Variants in PTPRT observed in about 807,000 individuals in gnomAD.
PTPRT encodes the protein receptor-type tyrosine-protein phosphatase T.
In PTPRT, 56 loss-of-function variants were observed where a neutral mutation model predicts 176.8. That is an observed-to-expected ratio of 0.32 (90% CI 0.26 to 0.40). PTPRT has a LOEUF of 0.40. Among genes scored for constraint, PTPRT ranks in the 10% least tolerant of loss-of-function variants. The pLI is 1.00. For synonymous variants in PTPRT, 783 were observed against 739.0 expected (o/e 1.06, Z -0.96); for missense variants, 1,540 against 1,908.2 (o/e 0.81, Z 3.60).
At chr20:43,002,944 T>C (rs1264071103) in intron 1 of PTPRT, among the ~76,000 whole-genome samples, 3 of 143,750 alleles carry the variant, frequency 2.1e-5, no homozygotes, top group South Asian at 2.2e-4. Flanking sequence ...AAAAAGAAAA[T>C]AAACTATTAA....
At chr20:42,783,371 T>TCAA (rs201122643) in intron 3 of PTPRT, among the ~76,000 whole-genome samples, 44 of 84,864 alleles carry the variant, frequency 5.2e-4, no homozygotes, top group African/African-American at 1.6e-3. Context: ...CTCTTGAGAA[T>TCAA]CAACAAAAAA....
the PTPRT span, among the ~76,000 whole-genome samples, chr20:42,061,682 T>C: frequency 5.4e-4 from 83 of 152,324 alleles, no homozygotes; most frequent in East Asian, 0.014. Context: ...GGGACATCTC[T>C]AGGCCACTGT....
intron 6 of PTPRT, among the ~76,000 whole-genome samples, chr20:42,753,604 G>T (rs1182758997): frequency 2.6e-5 from 4 of 152,196 alleles, no homozygotes; most frequent in Non-Finnish European, 5.9e-5. Flanking sequence ...GGCAGGGGCT[G>T]CAGGTGAGTG....
At chr20:42,609,529 C>T (rs2073938803) in intron 7 of PTPRT, among the ~76,000 whole-genome samples, 1 of 152,196 alleles carries the variant, frequency 6.6e-6, no homozygotes, top group African/African-American at 2.4e-5. Context: ...AGTGTCACAG[C>T]CAGTGTTCAA....
At chr20:42,433,154 T>A (rs577883081) in intron 9 of PTPRT, among the ~76,000 whole-genome samples, 2 of 152,152 alleles carry the variant, frequency 1.3e-5, no homozygotes, top group Non-Finnish European at 2.9e-5. Context: ...GTGGGAAGTT[T>A]CCCCAGAACC....
intron 7 of PTPRT, among the ~76,000 whole-genome samples, chr20:42,578,358 A>G (rs936692690): frequency 2.0e-5 from 3 of 152,152 alleles, no homozygotes; most frequent in African/African-American, 7.2e-5. Flanking sequence ...GCTCAGAGAC[A>G]GTAAGTATTT....
chr20:42,785,773 AT>A (rs2077280517), intron 3 of PTPRT, among the ~76,000 whole-genome samples: 1 of 152,124 alleles, frequency 6.6e-6, no homozygotes, highest in African/African-American at 2.4e-5. Flanking sequence ...AACACTGGCT[AT>A]TTCTTTTAAA....
At chr20:42,737,419 T>C (rs989614831) in intron 6 of PTPRT, among the ~76,000 whole-genome samples, 3 of 152,052 alleles carry the variant, frequency 2.0e-5, no homozygotes, top group Non-Finnish European at 4.4e-5. Flanking sequence ...TCACCTGACG[T>C]CAGGAGTCCA....
chr20:42,714,980 T>C (rs865859832), intron 6 of PTPRT, among the ~76,000 whole-genome samples: 1 of 152,314 alleles, frequency 6.6e-6, no homozygotes, highest in African/African-American at 2.4e-5. Flanking sequence ...GGTTGACCAG[T>C]GCTGGGAACC....
At chr20:42,240,702 G>C (rs570529913) in intron 14 of PTPRT, among the ~76,000 whole-genome samples, 2 of 93,626 alleles carry the variant, frequency 2.1e-5, no homozygotes, top group African/African-American at 1.0e-4. Flanking sequence ...ATGCATGCAT[G>C]CATGCATCCA....
rs1339346813 is a variant in PTPRT, at chr20:42,915,647, G to T, written c.89-29715C>A. ...CATTTACCTATTTATTTTCAGAAAG[G>T]GTCTCACTCTGTCACCCAGGCTGTA... On this transcript the variant is annotated intron_variant, in intron 1 of 30. Transcript: ENST00000373187. 2.6e-5 allele frequency among the ~76,000 whole-genome samples: 4 copies of T among 151,964 alleles called. No homozygotes were observed. In the East Asian group the frequency reaches 7.7e-4, roughly 29 times the overall value.
At chr20:42,781,969 T>C (rs555148079) in intron 3 of PTPRT, among the ~76,000 whole-genome samples, 5 of 152,326 alleles carry the variant, frequency 3.3e-5, no homozygotes, top group African/African-American at 1.2e-4. Context: ...TCTTTAATTA[T>C]AGTGTCTACC....
intron 15 of PTPRT, among the ~76,000 whole-genome samples, chr20:42,206,840 G>C (rs112301013): frequency 6.6e-6 from 1 of 152,204 alleles, no homozygotes; most frequent in Non-Finnish European, 1.5e-5. Context: ...CTGGGGGCAG[G>C]GCACAGACAA....
intron 7 of PTPRT, among the ~76,000 whole-genome samples, chr20:42,631,666 C>T (rs1372125618): frequency 6.6e-6 from 1 of 152,164 alleles, no homozygotes; most frequent in Non-Finnish European, 1.5e-5. Context: ...ACTCTTGATT[C>T]TCTGAGTCAG....
intron 1 of PTPRT, among the ~76,000 whole-genome samples, chr20:43,187,319 A>C (rs183257341): frequency 6.6e-5 from 10 of 152,354 alleles, no homozygotes; most frequent in Admixed American, 5.9e-4. Flanking sequence ...TTTAAATAAA[A>C]TACTTTAAAG....
At chr20:42,099,425 C>T (rs1044046851) in intron 26 of PTPRT, among the ~76,000 whole-genome samples, 1 of 151,952 alleles carries the variant, frequency 6.6e-6, no homozygotes, top group Admixed American at 6.6e-5. Flanking sequence ...CTTTGTTTTA[C>T]GTCCTTGGCA....
At chr20:42,434,231 AC>A (rs1309865819) in intron 9 of PTPRT, among the ~76,000 whole-genome samples, 1 of 152,184 alleles carries the variant, frequency 6.6e-6, no homozygotes, top group Admixed American at 6.5e-5. Context: ...TTTAATGAAA[AC>A]TAAATTATTT....
In PTPRT at chr20:42,507,352, T is replaced by C. The variant is rs529758110; in HGVS notation, c.1154-34790A>G. ...ACATGGTGACCCATAACTAGCTCTTTAAGCTTCCATGGAGATGAGACATAT... is the reference window on the plus strand; with the variant it reads ...ACATGGTGACCCATAACTAGCTCTTCAAGCTTCCATGGAGATGAGACATAT... On this transcript the variant is annotated intron_variant, in intron 7 of 30. Coordinates refer to ENST00000373187, the MANE Select transcript of PTPRT (RefSeq NM_007050.6). 1.6e-4 allele frequency among the ~76,000 whole-genome samples: 25 copies of C among 152,182 alleles called. No individual in the cohort carries two copies. In the South Asian group the frequency reaches 4.8e-3, roughly 29 times the overall value.
intron 1 of PTPRT, among the ~76,000 whole-genome samples, chr20:43,042,661 G>A (rs1031868813): frequency 2.6e-5 from 4 of 151,808 alleles, no homozygotes; most frequent in African/African-American, 9.7e-5. Flanking sequence ...GCCACACAAG[G>A]AAAGTTGCCT....
Sources: allele counts gnomAD v4.1 joint callset (sites outside exome capture counted in the v4.1 genomes callset), GRCh38; gene constraint gnomAD v4.1.1; transcripts MANE v1.5; gene names NCBI Gene and HGNC (gene_info 2026-07-23, HGNC 2026-07-21).